The following PXDNL variants were observed in gnomAD, a reference collection of about 807,000 sequenced individuals.
The protein encoded by PXDNL is probable oxidoreductase PXDNL.
In PXDNL, 145 loss-of-function variants were observed where a neutral mutation model predicts 150.8. The ratio of observed to expected loss-of-function variants is 0.96; its 90% CI spans 0.84 to 1.10. The LOEUF is 1.10. PXDNL is among the 50% of genes least tolerant of loss of function. The pLI is 0.00. For missense variants in PXDNL, 2,087 were observed against 1,873.9 expected (o/e 1.11, Z -2.10); for synonymous variants, 757 against 725.7 (o/e 1.04, Z -0.69).
chr8:51,348,294 A>G (rs1806223883), intron 19 of PXDNL, among the ~76,000 whole-genome samples: 2 of 152,344 alleles, frequency 1.3e-5, no homozygotes, highest in African/African-American at 4.8e-5. Flanking sequence ...TTAAAGCACC[A>G]ATAGATTGTT....
At chr8:51,335,682 T>TACACACACACACAC (rs3040925) in intron 21 of PXDNL, among the ~76,000 whole-genome samples, 197 of 137,578 alleles carry the variant, frequency 1.4e-3, no homozygotes, top group African/African-American at 3.5e-3. Flanking sequence ...TTATATACCC[T>TACACACACACACAC]ACACACACAC....
chr8:51,366,575 A>C (rs1380072758), intron 19 of PXDNL, among the ~76,000 whole-genome samples: 1 of 152,222 alleles, frequency 6.6e-6, no homozygotes, highest in Non-Finnish European at 1.5e-5. Flanking sequence ...GATACGTTTT[A>C]CGTATTTATG....
intron 5 of PXDNL, among the ~76,000 whole-genome samples, chr8:51,499,095 A>G (rs1811122089): frequency 1.3e-5 from 2 of 152,080 alleles, no homozygotes; most frequent in Non-Finnish European, 2.9e-5. Flanking sequence ...GGGGATGTAT[A>G]TGTTCAACTA....
intron 1 of PXDNL, among the ~76,000 whole-genome samples, chr8:51,658,344 G>GAAAAAAAAAAA (rs34771782): frequency 2.2e-3 from 211 of 93,994 alleles, no homozygotes; most frequent in Non-Finnish European, 2.7e-3. Flanking sequence ...CCTGTCTCAA[G>GAAAAAAAAAAA]AAAAAAAAAA....
At chr8:51,384,023 C>G (rs1405461039) in intron 17 of PXDNL, among the ~76,000 whole-genome samples, 1 of 152,160 alleles carries the variant, frequency 6.6e-6, no homozygotes, top group Non-Finnish European at 1.5e-5. Context: ...AATAAAAATC[C>G]TTCCCCAAAA....
intron 2 of PXDNL, among the ~76,000 whole-genome samples, chr8:51,609,413 A>C (rs1381240522): frequency 1.3e-5 from 2 of 152,216 alleles, no homozygotes; most frequent in Non-Finnish European, 2.9e-5. Context: ...AGTGTCCTCT[A>C]TCCCGGGGTC....
chr8:51,554,805 T>G (rs1258996354), intron 4 of PXDNL, among the ~76,000 whole-genome samples: 1 of 152,230 alleles, frequency 6.6e-6, no homozygotes, highest in African/African-American at 2.4e-5. Flanking sequence ...TTATACCAGC[T>G]TTCTGATCAT....
At position 51,744,134 on chromosome 8, in the gene PXDNL, A is replaced by G. The variant is rs563029719; in HGVS notation, c.164+65047T>C. 2.0e-4 allele frequency among the ~76,000 whole-genome samples: 26 copies of G among 129,406 alleles called. 4 individuals carry two copies. In the South Asian group the frequency reaches 7.9e-3, roughly 39 times the overall value. 84.9% of individuals were successfully genotyped at this position (129,406 alleles called of 152,430 possible). A position where few individuals can be genotyped will look rare whatever the true frequency, so the allele number is the denominator to read the frequency against. On this transcript the variant is annotated intron_variant, in intron 1 of 22. Transcript: ENST00000356297. ...AGAAAGAAAGAAAGGAAGAAAGAGA[A>G]AGGAAGGAAGAAGGGAGGGAGGAAG...
intron 3 of PXDNL, among the ~76,000 whole-genome samples, chr8:51,585,968 G>C (rs1041007665): frequency 6.6e-6 from 1 of 151,954 alleles, no homozygotes; most frequent in Admixed American, 6.6e-5. Flanking sequence ...ATTGCAACCT[G>C]TACCTCAACC....
At position 51,712,397 on chromosome 8, in the gene PXDNL, C is replaced by T. The variant is rs552385007; in HGVS notation, c.165-57637G>A. Among the ~76,000 whole-genome samples the T allele has an allele frequency of 1.5e-3, 235 of 152,212 alleles. 1 individual carries two copies. The highest frequency in any genetic ancestry group is 5.5e-3 in the African/African-American group (227 of 41,536). On this transcript the variant is annotated intron_variant, in intron 1 of 22. Coordinates refer to ENST00000356297, the MANE Select transcript of PXDNL (RefSeq NM_144651.5). ...TTCATTTTTTCTTTTATGTAGAATT[C>T]CTTACCATCTGAAATACTATAGCAT... is the stretch of plus-strand genomic sequence containing the variant.
At chr8:51,590,378 G>A (rs1813416904) in intron 3 of PXDNL, among the ~76,000 whole-genome samples, 1 of 152,044 alleles carries the variant, frequency 6.6e-6, no homozygotes, top group African/African-American at 2.4e-5. Flanking sequence ...GGCTGCCACT[G>A]AGACCCCAGA....
intron 12 of PXDNL, among the ~76,000 whole-genome samples, chr8:51,428,258 G>A (rs529935557): frequency 6.6e-6 from 1 of 152,146 alleles, no homozygotes. Context: ...TGGATTGAAA[G>A]TCTAAAGACA....
At chr8:51,805,573 T>A (rs937830539) in intron 1 of PXDNL, among the ~76,000 whole-genome samples, 2 of 151,648 alleles carry the variant, frequency 1.3e-5, no homozygotes, top group African/African-American at 4.8e-5. Context: ...TGACTGAGCA[T>A]AAGACATTTT....
intron 20 of PXDNL, chr8:51,340,232 A>T (rs1805948414): frequency 6.6e-6 from 1 of 152,302 alleles, no homozygotes. Flanking sequence ...CAAAAATCTA[A>T]CCTTTAACCT....
chr8:51,743,283 T>A (rs376306975), intron 1 of PXDNL, among the ~76,000 whole-genome samples: 10 of 152,282 alleles, frequency 6.6e-5, no homozygotes, highest in African/African-American at 2.4e-4. Flanking sequence ...AGCGGCATGA[T>A]CTCGGCTCAC....
At chr8:51,330,102 G>C (rs1805637562) in intron 21 of PXDNL, among the ~76,000 whole-genome samples, 1 of 152,106 alleles carries the variant, frequency 6.6e-6, no homozygotes, top group South Asian at 2.1e-4. Context: ...CAAATTGAAG[G>C]ATGCCCCCCT....
At chr8:51,585,683 C>T (rs1263426074) in intron 3 of PXDNL, among the ~76,000 whole-genome samples, 1 of 152,086 alleles carries the variant, frequency 6.6e-6, no homozygotes, top group Admixed American at 6.6e-5. Flanking sequence ...CACACAAACC[C>T]TCTTCCCCCA....
chr8:51,604,400 C>T (rs1193222029), intron 2 of PXDNL, among the ~76,000 whole-genome samples: 2 of 151,860 alleles, frequency 1.3e-5, no homozygotes, highest in Non-Finnish European at 2.9e-5. Context: ...ATCGCAAGGA[C>T]AAAAAACCAA....
chr8:51,617,943 G>T (rs991307612), intron 2 of PXDNL, among the ~76,000 whole-genome samples: 3 of 152,194 alleles, frequency 2.0e-5, no homozygotes, highest in African/African-American at 7.2e-5. Flanking sequence ...CACACTGTGA[G>T]GGGTCTTCCG....
Sources: allele counts gnomAD v4.1 joint callset (sites outside exome capture counted in the v4.1 genomes callset), GRCh38; gene constraint gnomAD v4.1.1; transcripts MANE v1.5; gene names NCBI Gene and HGNC (gene_info 2026-07-23, HGNC 2026-07-21).